Variants in CAMKMT observed in about 807,000 individuals in gnomAD.
CAMKMT encodes the protein CaM KMT.
Under a neutral mutation model 48.0 loss-of-function variants are expected in CAMKMT, and 53 were observed. That is an observed-to-expected ratio of 1.10 (90% CI 0.89 to 1.39). The LOEUF (loss-of-function observed/expected upper bound fraction) is 1.39. CAMKMT is among the 40% of genes most tolerant of loss of function. CAMKMT has a pLI of 0.00. For missense variants in CAMKMT, 428 were observed against 402.7 expected (o/e 1.06, Z -0.54); for synonymous variants, 165 against 152.3 (o/e 1.08, Z -0.61).
chr2:44,712,146 A>G (rs1356386272), intron 6 of CAMKMT, among the ~76,000 whole-genome samples: 1 of 152,130 alleles, frequency 6.6e-6, no homozygotes, highest in African/African-American at 2.4e-5. Flanking sequence ...TAAATTAGCA[A>G]ATATTGCCAC....
At chr2:44,652,049 G>A (rs1486954559) in intron 3 of CAMKMT, among the ~76,000 whole-genome samples, 1 of 152,198 alleles carries the variant, frequency 6.6e-6, no homozygotes, top group African/African-American at 2.4e-5. Flanking sequence ...GACTGGTGAA[G>A]TAATTATTTT....
At chr2:44,502,429 G>C (rs1478641310) in intron 3 of CAMKMT, among the ~76,000 whole-genome samples, 2 of 151,900 alleles carry the variant, frequency 1.3e-5, no homozygotes, top group Non-Finnish European at 2.9e-5. Flanking sequence ...CCATGCCCTT[G>C]TACCCTTTTA....
intron 2 of CAMKMT, among the ~76,000 whole-genome samples, chr2:44,386,813 T>G (rs1405621649): frequency 6.6e-6 from 1 of 152,122 alleles, no homozygotes; most frequent in Non-Finnish European, 1.5e-5. Flanking sequence ...TTTTCATATA[T>G]TTGCATGGTT....
In CAMKMT at chr2:44,766,928, A is replaced by G. The variant is rs1248984978; in HGVS notation, c.894+367A>G. 2.6e-5 allele frequency among the ~76,000 whole-genome samples: 4 copies of G among 152,342 alleles called. No homozygotes were observed. The South Asian group carries it at 8.3e-4, about 32-fold the overall frequency. On this transcript the variant is annotated intron_variant, in intron 10 of 10. Transcript: ENST00000378494. ...TAAATGCTTAGCCGCACTGAAATAA[A>G]TAGAAGGTGAATGTCTAATTGTATC...
chr2:44,488,404 T>C (rs556326870), intron 3 of CAMKMT, among the ~76,000 whole-genome samples: 1 of 152,290 alleles, frequency 6.6e-6, no homozygotes, highest in African/African-American at 2.4e-5. Flanking sequence ...TTTGGGAGGC[T>C]GAGGCAGGAG....
At chr2:44,402,740 G>GTTTTTTTTTTTTTTTTTTTTCTTTT in intron 3 of CAMKMT, among the ~76,000 whole-genome samples, 5 of 94,106 alleles carry the variant, frequency 5.3e-5, no homozygotes, top group Non-Finnish European at 8.6e-5. Flanking sequence ...TTGTTTTGCT[G>GTTTTTTTTTTTTTTTTTTTTCTTTT]TTTTTTTTTT....
At chr2:44,588,298 GAGGGA>G (rs1670013790) in intron 3 of CAMKMT, among the ~76,000 whole-genome samples, 3 of 63,582 alleles carry the variant, frequency 4.7e-5, no homozygotes, top group Admixed American at 1.9e-4. Context: ...CCCCGTCCGG[GAGGGA>G]GGGGGGGGGT....
At chr2:44,378,468 TTAAGTTTG>T (rs897665244) in intron 2 of CAMKMT, among the ~76,000 whole-genome samples, 1 of 104,642 alleles carries the variant, frequency 9.6e-6, no homozygotes, top group African/African-American at 4.2e-5. Context: ...GCATCTAGAA[TTAAGTTTG>T]TTTGTTTGTT....
At chr2:44,473,795 C>G (rs1003878935) in intron 3 of CAMKMT, among the ~76,000 whole-genome samples, 9 of 152,306 alleles carry the variant, frequency 5.9e-5, no homozygotes, top group Non-Finnish European at 8.8e-5. Flanking sequence ...ATTCAACTAC[C>G]TAGAGACTTG....
chr2:44,548,092 C>A (rs993549185), intron 3 of CAMKMT, among the ~76,000 whole-genome samples: 6 of 152,176 alleles, frequency 3.9e-5, no homozygotes, highest in African/African-American at 1.4e-4. Flanking sequence ...ATTTGTGATT[C>A]TAATGTTAAT....
intron 3 of CAMKMT, among the ~76,000 whole-genome samples, chr2:44,659,122 T>G (rs530170276): frequency 2.0e-5 from 3 of 147,964 alleles, no homozygotes; most frequent in African/African-American, 7.5e-5. Flanking sequence ...TCTTAAATCA[T>G]TTAGAAAAAG....
chr2:44,515,525 G>A (rs1269047057), intron 3 of CAMKMT, among the ~76,000 whole-genome samples: 1 of 152,138 alleles, frequency 6.6e-6, no homozygotes, highest in African/African-American at 2.4e-5. Flanking sequence ...TACTTCTAGG[G>A]AAAATCTGAA....
chr2:44,572,638 G>A (rs1397311741), intron 3 of CAMKMT, among the ~76,000 whole-genome samples: 1 of 151,982 alleles, frequency 6.6e-6, no homozygotes, highest in African/African-American at 2.4e-5. Context: ...AATTTTTTGG[G>A]GTCTATCTCT....
chr2:44,716,948 A>G (rs1197430733), intron 7 of CAMKMT, among the ~76,000 whole-genome samples: 1 of 152,200 alleles, frequency 6.6e-6, no homozygotes, highest in Non-Finnish European at 1.5e-5. Context: ...CTAATTAATA[A>G]ACATATCTAG....
intron 3 of CAMKMT, among the ~76,000 whole-genome samples, chr2:44,691,097 A>C (rs1159356778): frequency 6.6e-6 from 1 of 152,244 alleles, no homozygotes; most frequent in Non-Finnish European, 1.5e-5. Flanking sequence ...CTTTCAGATA[A>C]GGAATCGGGG....
At chr2:44,745,262 C>A (rs1679871003) in intron 8 of CAMKMT, among the ~76,000 whole-genome samples, 1 of 152,058 alleles carries the variant, frequency 6.6e-6, no homozygotes. Flanking sequence ...TAAATTTGTC[C>A]CTTACGCAAA....
At chr2:44,739,802 G>A (rs1679571533) in intron 7 of CAMKMT, among the ~76,000 whole-genome samples, 1 of 152,144 alleles carries the variant, frequency 6.6e-6, no homozygotes, top group Non-Finnish European at 1.5e-5. Context: ...CTGCAAAGGA[G>A]GAATAGAGAA....
chr2:44,417,561 C>G (rs1255275233), intron 3 of CAMKMT, among the ~76,000 whole-genome samples: 2 of 152,092 alleles, frequency 1.3e-5, no homozygotes, highest in Non-Finnish European at 2.9e-5. Flanking sequence ...TTTTCTTTCT[C>G]TTGGGTAAAT....
chr2:44,455,081 T>TA (rs1667488827), intron 3 of CAMKMT, among the ~76,000 whole-genome samples: 1 of 152,158 alleles, frequency 6.6e-6, no homozygotes, highest in South Asian at 2.1e-4. Context: ...GATAAGCACT[T>TA]GAAAGGTATT....
Sources: gnomAD v4.1 joint callset for allele counts (sites outside exome capture counted in the v4.1 genomes callset) on GRCh38, gnomAD v4.1.1 for gene constraint, MANE v1.5 for transcripts, NCBI Gene and HGNC (gene_info 2026-07-23, HGNC 2026-07-21) for gene names.